BTD: variants seen among roughly 807,000 people sequenced by gnomAD.
BTD encodes the protein biocytinase.
A neutral mutation model predicts 17.7 loss-of-function variants in BTD; 13 were observed. That is an observed-to-expected ratio of 0.74 (90% CI 0.48 to 1.17). The LOEUF is 1.17. BTD is among the 50% of genes most tolerant of loss of function. The pLI is 0.00. For synonymous variants in BTD, 240 were observed against 245.2 expected, an observed-to-expected ratio of 0.98 and a Z score of 0.20; for missense variants, 674 against 650.4, an observed-to-expected ratio of 1.04 and a Z score of -0.39.
chr3:15,716,631 G>A (rs923995073), downstream of BTD, among the ~76,000 whole-genome samples: 1 of 151,864 alleles, frequency 6.6e-6, no homozygotes, highest in Admixed American at 6.6e-5. Flanking sequence ...AGATTCCATT[G>A]ATAAGAAGGA....
At chr3:15,707,904 C>T (rs1237473682) in intron 3 of BTD, 1 of 1,597,502 alleles carries the variant, frequency 6.3e-7, no homozygotes, top group Admixed American at 1.7e-5. Flanking sequence ...ATCCTCCACT[C>T]TCACTCCTAT....
intron 3 of BTD, among the ~76,000 whole-genome samples, chr3:15,695,912 A>G (rs1404356342): frequency 6.6e-6 from 1 of 152,126 alleles, no homozygotes; most frequent in African/African-American, 2.4e-5. Flanking sequence ...AACATGGGGT[A>G]ATCAGTAGCC....
chr3:15,665,791 C>T (rs370240307), intron 3 of BTD, among the ~76,000 whole-genome samples: 25 of 152,334 alleles, frequency 1.6e-4, no homozygotes, highest in African/African-American at 6.0e-4. Flanking sequence ...TTGGGCTTGC[C>T]TTCTTGTGCT....
chr3:15,704,502 T>TA (rs1329617228), intron 3 of BTD, among the ~76,000 whole-genome samples: 2 of 152,074 alleles, frequency 1.3e-5, no homozygotes, highest in South Asian at 2.1e-4. Context: ...AGGGGATTTT[T>TA]AAAAAACCAT....
intron 4 of BTD, among the ~76,000 whole-genome samples, chr3:15,720,224 A>G (rs1294286861): frequency 6.6e-6 from 1 of 152,204 alleles, no homozygotes; most frequent in Non-Finnish European, 1.5e-5. Flanking sequence ...CTAACAAAAA[A>G]AAACCAAAAA....
intron 3 of BTD, among the ~76,000 whole-genome samples, chr3:15,671,575 A>G (rs1412774057): frequency 6.8e-6 from 1 of 148,018 alleles, no homozygotes; most frequent in Non-Finnish European, 1.5e-5. Context: ...CATAAACACT[A>G]TAGTTTTTTT....
At chr3:15,685,544 C>G in intron 3 of BTD, 1 of 1,015,080 alleles carries the variant, frequency 9.9e-7, no homozygotes, top group Non-Finnish European at 1.5e-6. Flanking sequence ...CTCTCCATAT[C>G]CTTCCATCAA....
intron 3 of BTD, chr3:15,690,282 T>C: frequency 1.5e-6 from 2 of 1,335,456 alleles, no homozygotes; most frequent in African/African-American, 1.5e-5. Flanking sequence ...CCTAAATACT[T>C]GAATAAATGT....
At chr3:15,641,183 G>A (rs115805605) in intron 2 of BTD, among the ~76,000 whole-genome samples, 114 of 152,336 alleles carry the variant, frequency 7.5e-4, no homozygotes, top group African/African-American at 2.7e-3. Flanking sequence ...GTTGCCAGGT[G>A]TGGGAAAAGG....
chr3:15,665,832 CTT>C (rs1223611326), intron 3 of BTD, among the ~76,000 whole-genome samples: 2 of 152,286 alleles, frequency 1.3e-5, no homozygotes, highest in Admixed American at 6.5e-5. Flanking sequence ...TTCTGTATAA[CTT>C]TTCTATTTTA....
intron 1 of BTD, among the ~76,000 whole-genome samples, chr3:15,609,068 G>A (rs2064541963): frequency 6.6e-6 from 1 of 152,096 alleles, no homozygotes; most frequent in Non-Finnish European, 1.5e-5. Context: ...GTTGAACTGG[G>A]GACATCTTCA....
intron 3 of BTD, chr3:15,689,902 TG>T: frequency 1.1e-6 from 1 of 904,950 alleles, no homozygotes. Context: ...ATATATGATT[TG>T]AAAAAAAAAA....
chr3:15,672,551 TTTAA>T (rs1229093477), intron 3 of BTD, among the ~76,000 whole-genome samples: 1 of 152,192 alleles, frequency 6.6e-6, no homozygotes, highest in Non-Finnish European at 1.5e-5. Flanking sequence ...TGTCCGTATT[TTTAA>T]TTAAATTTTA....
intron 3 of BTD, among the ~76,000 whole-genome samples, chr3:15,698,901 A>T (rs1427051545): frequency 6.6e-6 from 1 of 152,222 alleles, no homozygotes; most frequent in African/African-American, 2.4e-5. Flanking sequence ...TTTAAAGTTC[A>T]TATGGAACCA....
rs777938202 is a variant in BTD at position 15,645,161 on chromosome 3, A to C, written c.1245A>C (p.Lys415Asn). 8 of 1,614,158 alleles carry C rather than the reference A, an allele frequency of 5.0e-6. No individual in the cohort carries two copies. Among genetic ancestry groups the C allele is most frequent in the Non-Finnish European group, 6.8e-6 (8 of 1,180,012 alleles). ...YLLYERPTLS[K>N]ELYALGVFDG... The stretch of plus-strand genomic sequence containing the variant: ...TTTACGAGAGGCCCACCTTATCCAA[A>C]GAGCTGTATGCCCTGGGGGTCTTTG... The change falls in exon 4 of 4, where the codon AAA (lysine) becomes AAC (asparagine). Residue 415 changes from lysine (K) to asparagine (N), a missense_variant. By Grantham distance (94) the Lys-to-Asn change is moderately conservative. Transcript: ENST00000643237.
rs556542689 is a variant in BTD at position 15,673,269 on chromosome 3, C to T, written c.399+31212C>T. 5.4e-4 allele frequency among the ~76,000 whole-genome samples: 82 copies of T among 152,354 alleles called. No homozygotes were observed. The South Asian group carries it at 0.016, about 29-fold the overall frequency. On this transcript the variant is annotated intron_variant, in intron 3 of 3. Coordinates refer to the BTD transcript ENST00000672141. The stretch of plus-strand genomic sequence containing the variant: ...TATTCCAATTAAACTATTTTAAGTG[C>T]ATCGTTAATAGGCTGTTTGCACTCT...
chr3:15,675,397 G>A (rs2066832836), intron 3 of BTD, among the ~76,000 whole-genome samples: 1 of 152,134 alleles, frequency 6.6e-6, no homozygotes, highest in Non-Finnish European at 1.5e-5. Flanking sequence ...GGAGCAGTGA[G>A]ATTTATAAAT....
At chr3:15,694,663 G>T in intron 3 of BTD, 1 of 1,275,668 alleles carries the variant, frequency 7.8e-7, no homozygotes, top group Non-Finnish European at 1.1e-6. Flanking sequence ...GTACTAGTTT[G>T]AGTCAACACA....
chr3:15,711,196 A>G (rs2072225813), exon 4 of BTD: 2 of 1,599,658 alleles, frequency 1.3e-6, no homozygotes, highest in South Asian at 1.1e-5. Context: ...AGAAATAAAA[A>G]TACTATTAAC....
Sources: gnomAD v4.1 joint callset for allele counts (sites outside exome capture counted in the v4.1 genomes callset) on GRCh38, gnomAD v4.1.1 for gene constraint, MANE v1.5 for transcripts, NCBI Gene and HGNC (gene_info 2026-07-23, HGNC 2026-07-21) for gene names.